Variants in KCND3 observed in about 807,000 individuals in gnomAD.
KCND3 encodes potassium voltage-gated channel subfamily D member 3.
A neutral mutation model predicts 51.1 loss-of-function variants in KCND3; 9 were observed. The ratio of observed to expected loss-of-function variants is 0.18; its 90% CI spans 0.11 to 0.31. The LOEUF (loss-of-function observed/expected upper bound fraction) is 0.31. KCND3 is among the 10% of genes least tolerant of loss of function. The pLI is 1.00. For synonymous variants in KCND3, 349 were observed against 368.0 expected, an observed-to-expected ratio of 0.95 and a Z score of 0.59; for missense variants, 526 against 903.8, an observed-to-expected ratio of 0.58 and a Z score of 5.36.
At chr1:111,940,761 C>A (rs532065677) in intron 2 of KCND3, among the ~76,000 whole-genome samples, 2 of 152,182 alleles carry the variant, frequency 1.3e-5, no homozygotes, top group African/African-American at 4.8e-5. Flanking sequence ...AAAGTGCCAA[C>A]GGTCCACTGC....
At chr1:111,902,140 G>A (rs1670416134) in intron 2 of KCND3, among the ~76,000 whole-genome samples, 1 of 152,228 alleles carries the variant, frequency 6.6e-6, no homozygotes, top group African/African-American at 2.4e-5. Flanking sequence ...CACCTGGCCA[G>A]TGGGTCCGAG....
At position 111,902,688 on chromosome 1, in the gene KCND3, G is replaced by A. The variant is rs180718565; in HGVS notation, c.1106+78933C>T. 8.3e-4 allele frequency among the ~76,000 whole-genome samples: 126 copies of A among 152,300 alleles called. 1 individual carries two copies. Among genetic ancestry groups the A allele is most frequent in the Non-Finnish European group, 5.4e-4 (37 of 68,028 alleles). ...AGCTACTTTCCAGTGTTGTGCCCCTGGGCAAATTTAACCTTTCTGATCCTT... is the reference window on the plus strand; with the variant it reads ...AGCTACTTTCCAGTGTTGTGCCCCTAGGCAAATTTAACCTTTCTGATCCTT... On this transcript the variant is annotated intron_variant, in intron 2 of 7. Coordinates refer to ENST00000302127, the MANE Select transcript of KCND3 (RefSeq NM_001378969.1).
At chr1:111,946,518 A>G (rs1672786337) in intron 2 of KCND3, among the ~76,000 whole-genome samples, 1 of 152,112 alleles carries the variant, frequency 6.6e-6, no homozygotes, top group Admixed American at 6.5e-5. Context: ...GCCTTTCTTG[A>G]TGACCATTCA....
intron 2 of KCND3, among the ~76,000 whole-genome samples, chr1:111,955,626 T>C (rs1055884791): frequency 2.0e-5 from 3 of 152,210 alleles, no homozygotes; most frequent in Non-Finnish European, 4.4e-5. Context: ...ACAAGGTTCA[T>C]TAGTGCTTAA....
intron 2 of KCND3, among the ~76,000 whole-genome samples, chr1:111,975,430 G>A (rs946970327): frequency 3.3e-5 from 5 of 152,116 alleles, no homozygotes; most frequent in African/African-American, 4.8e-5. Context: ...GGACCAACAA[G>A]CACTTCCTGA....
At chr1:111,956,394 C>G (rs1673343562) in intron 2 of KCND3, among the ~76,000 whole-genome samples, 1 of 152,188 alleles carries the variant, frequency 6.6e-6, no homozygotes, top group African/African-American at 2.4e-5. Context: ...TGATTAATTT[C>G]CACTGACAAG....
At chr1:111,874,821 G>A (rs535628086) in intron 2 of KCND3, among the ~76,000 whole-genome samples, 10 of 152,224 alleles carry the variant, frequency 6.6e-5, no homozygotes, top group African/African-American at 9.6e-5. Context: ...TACAAACAAC[G>A]TCTCACTAGA....
chr1:111,804,850 C>T (rs949309091), intron 2 of KCND3, among the ~76,000 whole-genome samples: 2 of 152,204 alleles, frequency 1.3e-5, no homozygotes, highest in African/African-American at 4.8e-5. Flanking sequence ...GAAGTTGGTG[C>T]CCGGGCGGTC....
intron 2 of KCND3, among the ~76,000 whole-genome samples, chr1:111,863,931 T>C (rs1390121773): frequency 6.6e-6 from 1 of 151,154 alleles, no homozygotes; most frequent in Non-Finnish European, 1.5e-5. Context: ...ACTGAGGAAG[T>C]GGGGAGGCTA....
intron 2 of KCND3, among the ~76,000 whole-genome samples, chr1:111,875,280 C>T (rs908300875): frequency 2.0e-5 from 3 of 152,088 alleles, no homozygotes; most frequent in African/African-American, 7.2e-5. Context: ...AGGGCTGTGT[C>T]AGGTGAGAGG....
intron 2 of KCND3, among the ~76,000 whole-genome samples, chr1:111,866,771 AAAAAC>A (rs901323735): frequency 6.6e-6 from 1 of 152,152 alleles, no homozygotes; most frequent in Non-Finnish European, 1.5e-5. Flanking sequence ...CAACTCTGAG[AAAAAC>A]AAAACAAAAC....
chr1:111,839,961 G>C (rs962428416), intron 2 of KCND3, among the ~76,000 whole-genome samples: 2 of 152,232 alleles, frequency 1.3e-5, no homozygotes, highest in African/African-American at 2.4e-5. Context: ...CATAAACTGG[G>C]TGGATTATAA....
intron 2 of KCND3, among the ~76,000 whole-genome samples, chr1:111,899,173 C>T (rs1034594181): frequency 1.3e-5 from 2 of 152,202 alleles, no homozygotes; most frequent in African/African-American, 4.8e-5. Flanking sequence ...TGTTCTGTCT[C>T]CTCCCTGCTT....
chr1:111,837,813 A>G (rs1312571182), intron 2 of KCND3, among the ~76,000 whole-genome samples: 1 of 152,018 alleles, frequency 6.6e-6, no homozygotes, highest in African/African-American at 2.4e-5. Context: ...GCCCCTCTAG[A>G]TTGTCAGTTT....
At chr1:111,843,070 C>A (rs1667398324) in intron 2 of KCND3, among the ~76,000 whole-genome samples, 1 of 152,202 alleles carries the variant, frequency 6.6e-6, no homozygotes, top group Non-Finnish European at 1.5e-5. Flanking sequence ...GGAGCTTCTG[C>A]ATTGCTTTCA....
intron 2 of KCND3, among the ~76,000 whole-genome samples, chr1:111,835,113 C>G (rs550377250): frequency 6.6e-6 from 1 of 152,132 alleles, no homozygotes; most frequent in Non-Finnish European, 1.5e-5. Context: ...ATTGAGGCAG[C>G]GCTGGGGGCC....
intron 2 of KCND3, among the ~76,000 whole-genome samples, chr1:111,796,200 C>T (rs1398086556): frequency 6.6e-6 from 1 of 152,170 alleles, no homozygotes; most frequent in Non-Finnish European, 1.5e-5. Flanking sequence ...AATTAGATCC[C>T]ATTTGTCAAT....
intron 3 of KCND3, 99 bp downstream of exon 3, chr1:111,786,845 C>A: frequency 2.1e-6 from 3 of 1,429,334 alleles, no homozygotes; most frequent in Non-Finnish European, 2.9e-6. Flanking sequence ...CAGAGGCCAT[C>A]TGTGCAGTGA....
intron 2 of KCND3, among the ~76,000 whole-genome samples, chr1:111,940,002 T>G (rs1672417583): frequency 6.6e-6 from 1 of 152,058 alleles, no homozygotes; most frequent in African/African-American, 2.4e-5. Flanking sequence ...CTTTCTTTCA[T>G]ATGTTTGTTG....
Sources: gnomAD v4.1 joint callset for allele counts (sites outside exome capture counted in the v4.1 genomes callset) on GRCh38, gnomAD v4.1.1 for gene constraint, MANE v1.5 for transcripts, NCBI Gene and HGNC (gene_info 2026-07-23, HGNC 2026-07-21) for gene names.